Variants in ARRB1 observed in about 807,000 individuals in gnomAD.
ARRB1 encodes beta-arrestin-1.
A neutral mutation model predicts 56.8 loss-of-function variants in ARRB1; 21 were observed. That is an observed-to-expected ratio of 0.37 (90% confidence interval 0.26 to 0.53). The LOEUF (loss-of-function observed/expected upper bound fraction) is 0.53, where lower values mean the gene tolerates loss of function less well. ARRB1 is among the 20% of genes least tolerant of loss of function. The pLI, the probability that ARRB1 is intolerant of heterozygous loss-of-function variation, is 0.88. For synonymous variants in ARRB1, 210 were observed against 218.6 expected (o/e 0.96, Z 0.35); for missense variants, 424 against 553.7 (o/e 0.77, Z 2.35).
intron 1 of ARRB1, among the ~76,000 whole-genome samples, chr11:75,350,271 T>G (rs986312521): frequency 2.7e-4 from 41 of 152,102 alleles, no homozygotes; most frequent in African/African-American, 9.4e-4. Flanking sequence ...TGTTAGCTCC[T>G]TCAGGGGAGG....
intron 1 of ARRB1, among the ~76,000 whole-genome samples, chr11:75,336,254 G>T (rs1220318780): frequency 6.6e-6 from 1 of 152,150 alleles, no homozygotes; most frequent in African/African-American, 2.4e-5. Context: ...TGCCCTCTCT[G>T]GATGTGTCTG....
At position 75,286,433 on chromosome 11, in the gene ARRB1, A is replaced by G. The variant is rs567747833; in HGVS notation, c.112+882T>C. On this transcript the variant is annotated intron_variant, in intron 3 of 15. Transcript: ENST00000420843. ...CAGGTGCATGCCACCATGCTCGGCT[A>G]TTTTTTTTTTCTGTATTTTTTAGTA... Among the ~76,000 whole-genome samples, 20 of 146,738 alleles carry G rather than the reference A, an allele frequency of 1.4e-4. No homozygotes were observed. In the South Asian group the frequency reaches 4.3e-3, roughly 32 times the overall value.
intron 7 of ARRB1, 78 bp downstream of exon 7, chr11:75,280,997 T>C (rs1420295994): frequency 6.8e-7 from 1 of 1,481,224 alleles, no homozygotes; most frequent in Admixed American, 2.0e-5. Context: ...GTATTGTTAC[T>C]TATCTCCTCT....
rs1946102280 is a variant in ARRB1, at chr11:75,272,901, C to T, written c.992G>A (p.Arg331Gln). ...YKVKVKLVVSRGGLLGDLASS... is the reference protein window; with the variant it reads ...YKVKVKLVVSQGGLLGDLASS... ...GCTTGGCTGGAGCACTCACCCGCCC[C>T]GAGACACCACCAGCTTCACTTTCAC... is the stretch of plus-strand genomic sequence containing the variant. Residue 331 changes from arginine (R) to glutamine (Q), a missense_variant, in exon 12 of 16, where the codon CGG becomes CAG. By Grantham distance (43) the Arg-to-Gln change is conservative. Transcript: ENST00000420843. The T allele has an allele frequency of 3.1e-6, 5 of 1,613,988 alleles. No individual in the cohort carries two copies. In the South Asian group the frequency reaches 3.3e-5, roughly 11 times the overall value.
At chr11:75,306,561 A>C (rs1947035537) in intron 1 of ARRB1, 6 of 1,266,796 alleles carry the variant, frequency 4.7e-6, no homozygotes, top group Non-Finnish European at 6.2e-6. Context: ...ACCCCATTTT[A>C]CAGATGAGAG....
chr11:75,300,288 TGTAA>T (rs928798006), intron 1 of ARRB1, among the ~76,000 whole-genome samples: 67 of 152,190 alleles, frequency 4.4e-4, no homozygotes, highest in Admixed American at 1.4e-3. Context: ...CAGTTACTGC[TGTAA>T]GTGAGTTACA....
Position 75,278,601 on chromosome 11 carries a change from C to A in ARRB1, c.618+8G>T. The A allele has an allele frequency of 6.2e-7, 1 of 1,613,982 alleles. No individual in the cohort carries two copies. Among genetic ancestry groups the A allele is most frequent in the Middle Eastern group, 1.7e-4 (1 of 6,060 alleles). On this transcript the variant is annotated splice_region_variant and intron_variant, in intron 8 of 15. Transcript: ENST00000420843. ...GCCCCCACCCCCTGCCAAGTCCGAG[C>A]CTCCTACCTCCTTATCCAGAGAGGC...
chr11:75,328,178 A>G (rs554760439), intron 1 of ARRB1, among the ~76,000 whole-genome samples: 13 of 152,294 alleles, frequency 8.5e-5, no homozygotes, highest in African/African-American at 2.9e-4. Flanking sequence ...GATATTTCAT[A>G]CAAGTTGACT....
At chr11:75,291,595 G>A (rs1016866783) in intron 1 of ARRB1, among the ~76,000 whole-genome samples, 2 of 152,122 alleles carry the variant, frequency 1.3e-5, no homozygotes, top group African/African-American at 4.8e-5. Flanking sequence ...GCTGGGTCTT[G>A]GAGCCTGAGA....
intron 5 of ARRB1, among the ~76,000 whole-genome samples, chr11:75,282,561 G>A (rs1381253813): frequency 1.3e-5 from 2 of 152,196 alleles, no homozygotes; most frequent in Admixed American, 1.3e-4. Flanking sequence ...TGCTGGAAAA[G>A]GTGGACGCTC....
Position 75,278,640 on chromosome 11 carries a change from G to A in ARRB1, c.587C>T (p.Pro196Leu), listed in dbSNP as rs375496275. 1.4e-5 allele frequency: 22 copies of A among 1,614,040 alleles called. No homozygotes were observed. Among genetic ancestry groups the A allele is most frequent in the Non-Finnish European group, 1.7e-5 (20 of 1,180,022 alleles). ...ATCCAGAGAGGCTTCTAGGTGCAAGGGCTTGTCCGACATGAGGAACTGCCT... is the reference window on the plus strand; with the variant it reads ...ATCCAGAGAGGCTTCTAGGTGCAAGAGCTTGTCCGACATGAGGAACTGCCT... The part of the protein sequence containing the change: ...TTRQFLMSDK[P>L]LHLEASLDKE... The change falls in exon 8 of 16, where the codon CCC becomes CTC. Residue 196 changes from proline (P) to leucine (L), a missense_variant. By Grantham distance (98) the Pro-to-Leu change is moderately conservative. Transcript: ENST00000420843.
chr11:75,351,459 GGA>G, intron 1 of ARRB1, 127 bp downstream of exon 1: 1 of 1,365,032 alleles, frequency 7.3e-7, no homozygotes, highest in South Asian at 1.4e-5. Context: ...GACCTCGGGT[GGA>G]GGAGAGCTGG....
chr11:75,295,890 A>T (rs1383321994), intron 1 of ARRB1, among the ~76,000 whole-genome samples: 2 of 152,234 alleles, frequency 1.3e-5, no homozygotes, highest in Non-Finnish European at 2.9e-5. Context: ...GGCTGATACA[A>T]AAAGTGAGTA....
chr11:75,337,516 C>G lies in ARRB1; in HGVS notation c.20+14072G>C, dbSNP rs77079044. Among the ~76,000 whole-genome samples the G allele has an allele frequency of 3.3e-3, 503 of 152,286 alleles. 2 individuals are homozygous for G. Among genetic ancestry groups the G allele is most frequent in the African/African-American group, 0.012 (478 of 41,546 alleles). On this transcript the variant is annotated intron_variant, in intron 1 of 15. Coordinates refer to ENST00000420843, the MANE Select transcript of ARRB1 (RefSeq NM_004041.5). ...CCAGGGAATCTTCCCTGACTCACTC[C>G]CTAACCCAAGTCTGGCCCCACACTG...
intron 1 of ARRB1, among the ~76,000 whole-genome samples, chr11:75,326,201 G>T (rs184656719): frequency 6.6e-6 from 1 of 152,328 alleles, no homozygotes; most frequent in Admixed American, 6.5e-5. Flanking sequence ...CTGGGAGGAG[G>T]AGGGTGCTGC....
intron 13 of ARRB1, 194 bp from the exon 14 acceptor site, chr11:75,269,153 C>A: frequency 1.3e-6 from 1 of 744,966 alleles, no homozygotes. Flanking sequence ...GAGACTTCCT[C>A]TGGTCCCAAA....
At chr11:75,349,837 C>T (rs1385994082) in intron 1 of ARRB1, among the ~76,000 whole-genome samples, 1 of 152,238 alleles carries the variant, frequency 6.6e-6, no homozygotes, top group Non-Finnish European at 1.5e-5. Flanking sequence ...TCTGCCGTCC[C>T]CCCCAAAGCC....
chr11:75,346,200 A>G (rs368594040), intron 1 of ARRB1, among the ~76,000 whole-genome samples: 40 of 152,024 alleles, frequency 2.6e-4, no homozygotes, highest in African/African-American at 8.9e-4. Context: ...CTCATACTCC[A>G]GCACCCAGCT....
At position 75,278,666 on chromosome 11, in the gene ARRB1, G is replaced by A. The variant is rs148736006; in HGVS notation, c.561C>T (p.Thr187=). 35 of 1,614,048 alleles carry A rather than the reference G, an allele frequency of 2.2e-5. No homozygotes were observed. The African/African-American group carries it at 3.5e-4, about 16-fold the overall frequency. The change falls in exon 8 of 16, where the codon ACC becomes ACT. Residue 187 remains threonine (T), a synonymous_variant. Transcript: ENST00000420843. ...GCTTGTCCGACATGAGGAACTGCCT[G>A]GTGGTCTCGGCTGTGGGCTGGGGGC... ...RPGPQPTAET[T]RQFLMSDKPL... is the part of the protein sequence containing the mutation.
Sources: allele counts gnomAD v4.1 joint callset (sites outside exome capture counted in the v4.1 genomes callset), GRCh38; gene constraint gnomAD v4.1.1; transcripts MANE v1.5; gene names NCBI Gene and HGNC (gene_info 2026-07-23, HGNC 2026-07-21).